Variants in COL6A3 observed in about 807,000 individuals in gnomAD.
COL6A3 encodes collagen alpha-3(VI) chain.
Under a neutral mutation model 274.1 loss-of-function variants are expected in COL6A3, and 137 were observed. That is an observed-to-expected ratio of 0.50 (90% CI 0.44 to 0.58). COL6A3 has a LOEUF of 0.58. COL6A3 is among the 20% of genes least tolerant of loss of function. The probability of loss-of-function intolerance (pLI) is 0.00; values close to 1 mark genes in which losing one functional copy is unlikely to be tolerated. For synonymous variants in COL6A3, 1,650 were observed against 1,650.6 expected, an observed-to-expected ratio of 1.00 and a Z score of 0.01; for missense variants, 3,950 against 4,124.9, an observed-to-expected ratio of 0.96 and a Z score of 1.16.
At chr2:237,326,014 G>T in intron 42 of COL6A3, 1 of 280,078 alleles carries the variant, frequency 3.6e-6, no homozygotes, top group Non-Finnish European at 6.6e-6. Context: ...AATTTTAAAT[G>T]AAATGAATTG....
chr2:237,407,496 T>A lies in COL6A3; in HGVS notation c.-31+6457A>T, dbSNP rs569512258. On this transcript the variant is annotated intron_variant, in intron 1 of 43. Transcript: ENST00000295550. This position sits in a 1 kb window ranked among gnomAD's most constrained non-coding sequence, Gnocchi z 4.3. Reference sequence around the variant, plus strand: ...AATGCAGAAAGAGAAGGCCTGGACATCCCCTACCAATGCCCTCCCTCTGTG... The same window carrying A: ...AATGCAGAAAGAGAAGGCCTGGACAACCCCTACCAATGCCCTCCCTCTGTG... 7.3e-4 allele frequency among the ~76,000 whole-genome samples: 111 copies of A among 152,292 alleles called. No individual in the cohort carries two copies. The highest frequency in any genetic ancestry group is 2.6e-3 in the African/African-American group (109 of 41,550).
intron 1 of COL6A3, among the ~76,000 whole-genome samples, chr2:237,400,531 A>G (rs2078563998): frequency 6.6e-6 from 1 of 152,168 alleles, no homozygotes; most frequent in African/African-American, 2.4e-5. Context: ...CTTGAAATAT[A>G]CAATCCACCA....
At chr2:237,403,942 G>A (rs975939387) in intron 1 of COL6A3, among the ~76,000 whole-genome samples, 4 of 151,444 alleles carry the variant, frequency 2.6e-5, no homozygotes, top group African/African-American at 9.7e-5. Flanking sequence ...CAGTCTGTTA[G>A]ACCCATTCCT....
chr2:237,403,131 G>T (rs565649550), intron 1 of COL6A3, among the ~76,000 whole-genome samples: 2 of 152,268 alleles, frequency 1.3e-5, no homozygotes, highest in South Asian at 2.1e-4. Flanking sequence ...AGCTAAGTGG[G>T]TGCAAAGGAA....
At chr2:237,363,232 A>C (rs1264762588) in intron 14 of COL6A3, 21 bp downstream of exon 14, 3 of 1,606,274 alleles carry the variant, frequency 1.9e-6, no homozygotes, top group Non-Finnish European at 2.5e-6. Context: ...GTCTGTGTAT[A>C]AAGACATAAA....
chr2:237,325,230 T>G (rs953866898), intron 43 of COL6A3, among the ~76,000 whole-genome samples: 1 of 152,168 alleles, frequency 6.6e-6, no homozygotes, highest in African/African-American at 2.4e-5. Context: ...AAAGATAAAT[T>G]TGTGGGGGTT....
In COL6A3 at chr2:237,379,202, A is replaced by G. The variant is rs1478389224; in HGVS notation, c.1931T>C (p.Leu644Ser). 1 of 1,614,144 alleles carries G rather than the reference A, an allele frequency of 6.2e-7. No homozygotes were observed. Among genetic ancestry groups the G allele is most frequent in the Non-Finnish European group, 8.5e-7 (1 of 1,180,054 alleles). The change falls in exon 6 of 44, where the codon TTG becomes TCG. Residue 644 changes from leucine (L) to serine (S), a missense_variant. Leu to Ser is a moderately radical substitution (Grantham distance 145). This residue lies in a region of COL6A3 where 1,934 missense variants were observed against 1,984.3 expected (regional missense o/e 0.97). Coordinates refer to ENST00000295550, the MANE Select transcript of COL6A3 (RefSeq NM_004369.4). ...HSNKRDIIFL[L>S]DGSANVGKTN... ...TTTTCCAACGTTGGCTGATCCATCC[A>G]AAAGAAAGATGATATCCCTTTTGTT...
At position 237,374,460 on chromosome 2, in the gene COL6A3, C is replaced by T. The variant is rs2077777129; in HGVS notation, c.3631G>A (p.Glu1211Lys). 3 of 1,613,884 alleles carry T rather than the reference C, an allele frequency of 1.9e-6. No individual in the cohort carries two copies. The highest frequency in any genetic ancestry group is 1.1e-5 in the South Asian group (1 of 91,080). Residue 1211 changes from glutamate to lysine, a missense_variant, in exon 8 of 44, where the codon GAG becomes AAG. Around this residue, in one of 5 missense-constraint regions of COL6A3, gnomAD observed 1,934 missense variants for 1,984.3 expected, o/e 0.97. Coordinates refer to ENST00000295550, the MANE Select transcript of COL6A3 (RefSeq NM_004369.4). The surrounding 1 kb of genome is among the most constrained non-coding windows in gnomAD (Gnocchi z 4.8). ...ISERVTQLTREELSRLQPVLQ... is the reference protein window; with the variant it reads ...ISERVTQLTRKELSRLQPVLQ... ...ACCGGCTGCAGCCTGCTCAGCTCCT[C>T]GCGGGTGAGCTGGGTCACCCTCTCA...
At chr2:237,363,096 A>G (rs1331064555) in intron 14 of COL6A3, among the ~76,000 whole-genome samples, 157 bp downstream of exon 14, 2 of 151,978 alleles carry the variant, frequency 1.3e-5, no homozygotes, top group African/African-American at 4.8e-5. Flanking sequence ...TGTTATGGCA[A>G]CAAGGCAGTT....
intron 9 of COL6A3, among the ~76,000 whole-genome samples, chr2:237,370,303 A>G (rs2077655586): frequency 1.3e-5 from 2 of 150,908 alleles, no homozygotes; most frequent in African/African-American, 4.9e-5. Context: ...CAGTGGCGCA[A>G]TCTCGGCTCA....
rs116294003 is a variant in COL6A3 at position 237,376,972 on chromosome 2, T to C, written c.2870A>G (p.Asp957Gly). 1.2e-6 allele frequency: 2 copies of C among 1,614,152 alleles called. No homozygotes were observed. Among genetic ancestry groups the C allele is most frequent in the African/African-American group, 1.3e-5 (1 of 75,036 alleles). ...CTGCTTCAGGTTACTTGCTGGCCCA[T>C]CCACACGGTCAGATGACCTTCCTGC... ...LVAGRSSDRV[D>G]GPASNLKQSG... Residue 957 changes from aspartate to glycine, a missense_variant, in exon 7 of 44, where the codon GAT becomes GGT. Transcript: ENST00000295550.
At chr2:237,392,537 C>A (rs1436214960) in intron 3 of COL6A3, among the ~76,000 whole-genome samples, 1 of 152,210 alleles carries the variant, frequency 6.6e-6, no homozygotes, top group Admixed American at 6.5e-5. Context: ...TACCTCCTGT[C>A]CCAGTGGCCA....
chr2:237,338,334 T>C (rs1225314368), intron 39 of COL6A3, among the ~76,000 whole-genome samples: 1 of 152,224 alleles, frequency 6.6e-6, no homozygotes, highest in East Asian at 1.9e-4. Flanking sequence ...CCAGCCCATC[T>C]GAGACCACTC....
intron 42 of COL6A3, chr2:237,327,083 A>C (rs185889117): frequency 6.6e-6 from 1 of 152,196 alleles, no homozygotes; most frequent in Non-Finnish European, 1.5e-5. Flanking sequence ...TTACAAAAAC[A>C]ACCTTCTTTC....
Position 237,394,873 on chromosome 2 carries a change from T to A in COL6A3, c.423A>T (p.Gly141=). The A allele has an allele frequency of 1.2e-6, 2 of 1,612,064 alleles. No homozygotes were observed. Among genetic ancestry groups the A allele is most frequent in the South Asian group, 2.2e-5 (2 of 91,064 alleles). Residue 141 remains glycine, a synonymous_variant, in exon 3 of 44, where the codon GGA becomes GGT. Coordinates refer to ENST00000295550, the MANE Select transcript of COL6A3 (RefSeq NM_004369.4). ...TKAAGSRAGD[G]VPQVIVVLTD... ...TTAACACTACGATAACCTGAGGGAC[T>A]CCGTCACCGGCCCGGCTTCCAGCAG...
intron 32 of COL6A3, 143 bp from the exon 33 acceptor site, chr2:237,345,356 G>C (rs924892236): frequency 1.3e-6 from 1 of 755,064 alleles, no homozygotes; most frequent in Non-Finnish European, 2.3e-6. Context: ...CTCTAAACCT[G>C]ATCTTATCCC....
chr2:237,369,106 C>T lies in COL6A3; in HGVS notation c.4357G>A (p.Ala1453Thr). Reference protein sequence around the residue: ...SSEGVRPDGFAHIRDFVSRIV... With the variant: ...SSEGVRPDGFTHIRDFVSRIV... The stretch of plus-strand genomic sequence containing the variant: ...CTGCTAACAAAATCTCGAATATGTG[C>T]AAAGCCATCTGGCCTAACTCCCTCA... The change falls in exon 10 of 44, where the codon GCA becomes ACA. Residue 1453 changes from alanine to threonine, a missense_variant. This residue lies in a region of COL6A3 where 1,934 missense variants were observed against 1,984.3 expected (regional missense o/e 0.97). Transcript: ENST00000295550. 4 of 1,614,190 alleles carry T rather than the reference C, an allele frequency of 2.5e-6. 1 individual carries two copies. Among genetic ancestry groups the T allele is most frequent in the South Asian group, 2.2e-5 (2 of 91,088 alleles).
chr2:237,379,248 A>G lies in COL6A3; in HGVS notation c.1898-13T>C. 3 of 1,614,170 alleles carry G rather than the reference A, an allele frequency of 1.9e-6. No individual in the cohort carries two copies. Among genetic ancestry groups the G allele is most frequent in the Non-Finnish European group, 2.5e-6 (3 of 1,180,002 alleles). ...TTGTTTGAGTGAACTGCAGTGAAGC[A>G]CAGAAAAAAAAGTGAGACATACACA... On this transcript the variant is annotated splice_polypyrimidine_tract_variant and intron_variant, in intron 5 of 43. Coordinates refer to ENST00000295550, the MANE Select transcript of COL6A3 (RefSeq NM_004369.4).
chr2:237,337,293 A>G (rs1700598347), intron 39 of COL6A3, among the ~76,000 whole-genome samples: 1 of 152,220 alleles, frequency 6.6e-6, no homozygotes, highest in South Asian at 2.1e-4. Flanking sequence ...AAAGATAAAA[A>G]GGTTGAGCCA....
Sources: gnomAD v4.1 joint callset for allele counts (sites outside exome capture counted in the v4.1 genomes callset) on GRCh38, gnomAD v4.1.1 for gene constraint, gnomAD v4.1.1 regional missense constraint, Gnocchi (gnomAD v3.1) non-coding constraint, MANE v1.5 for transcripts, NCBI Gene and HGNC (gene_info 2026-07-23, HGNC 2026-07-21) for gene names.